Variants in RTF1 observed in about 807,000 individuals in gnomAD.
RTF1 encodes RTF1 homolog, Paf1/RNA polymerase II complex component, also known as RNA polymerase-associated protein RTF1 homolog.
Under a neutral mutation model 95.7 loss-of-function variants are expected in RTF1, and 10 were observed. The ratio of observed to expected loss-of-function variants is 0.10; its 90% CI spans 0.06 to 0.18. The LOEUF (loss-of-function observed/expected upper bound fraction) is 0.18, where lower values mean the gene tolerates loss of function less well. RTF1 is among the 10% of genes least tolerant of loss of function. RTF1 has a pLI of 1.00. For missense variants in RTF1, 458 were observed against 875.6 expected, an observed-to-expected ratio of 0.52 and a Z score of 6.02; for synonymous variants, 305 against 311.8, an observed-to-expected ratio of 0.98 and a Z score of 0.23.
At chr15:41,465,317 A>C (rs962837181) in intron 5 of RTF1, among the ~76,000 whole-genome samples, 1 of 152,048 alleles carries the variant, frequency 6.6e-6, no homozygotes, top group African/African-American at 2.4e-5. Context: ...GGCATATGCT[A>C]CCGTGCCCGG....
chr15:41,433,902 A>C (rs373166193), intron 1 of RTF1, among the ~76,000 whole-genome samples: 1 of 145,584 alleles, frequency 6.9e-6, no homozygotes, highest in African/African-American at 2.6e-5. Context: ...CTGGAGTGCA[A>C]TGGTGCTATT....
chr15:41,473,812 G>A (rs1049682706), intron 8 of RTF1, among the ~76,000 whole-genome samples: 1 of 151,842 alleles, frequency 6.6e-6, no homozygotes, highest in Non-Finnish European at 1.5e-5. Context: ...TGGGAGGCAG[G>A]TGGATCACGA....
intron 1 of RTF1, among the ~76,000 whole-genome samples, chr15:41,423,504 G>A (rs1376078277): frequency 2.0e-5 from 3 of 151,988 alleles, no homozygotes; most frequent in African/African-American, 7.3e-5. Context: ...CGAGTAGCTG[G>A]GATGACAGGC....
intron 14 of RTF1, 138 bp from the exon 15 acceptor site, chr15:41,478,410 T>TAAAA: frequency 1.9e-6 from 1 of 535,604 alleles, no homozygotes. Flanking sequence ...CAAAAAAAAT[T>TAAAA]AAAAAAAAAA....
intron 2 of RTF1, among the ~76,000 whole-genome samples, chr15:41,447,486 A>G (rs993391149): frequency 3.3e-5 from 5 of 152,320 alleles, no homozygotes; most frequent in Admixed American, 1.3e-4. Flanking sequence ...TTCACTAGGT[A>G]ATTGTTGCCC....
intron 1 of RTF1, among the ~76,000 whole-genome samples, chr15:41,419,593 A>G (rs2050590160): frequency 6.6e-6 from 1 of 152,180 alleles, no homozygotes; most frequent in Non-Finnish European, 1.5e-5. Context: ...TTTAGAGGAA[A>G]TTGGTACATA....
intron 8 of RTF1, among the ~76,000 whole-genome samples, chr15:41,473,144 G>GT (rs1231344858): frequency 4.0e-5 from 6 of 151,112 alleles, no homozygotes; most frequent in Non-Finnish European, 8.9e-5. Flanking sequence ...GTTTTGTTTT[G>GT]TTTTTTTGAG....
At chr15:41,480,175 T>C (rs2050964483) in intron 16 of RTF1, 39 bp from the exon 17 acceptor site, 1 of 1,317,934 alleles carries the variant, frequency 7.6e-7, no homozygotes, top group Non-Finnish European at 1.1e-6. Flanking sequence ...TCCACTTGCA[T>C]TTATGCTCTT....
At position 41,480,826 on chromosome 15, in the gene RTF1, T is replaced by A. The variant is rs1263428731; in HGVS notation, c.*139T>A. 4.5e-6 allele frequency: 3 copies of A among 666,278 alleles called. No individual in the cohort carries two copies. Among genetic ancestry groups the A allele is most frequent in the African/African-American group, 1.8e-5 (1 of 55,564 alleles). The allele number at this position is 666,278 out of a possible 1,614,324, so 41.3% of individuals were successfully genotyped here. A position where few individuals can be genotyped will look rare whatever the true frequency, so the allele number is the denominator to read the frequency against. ...ACTCTAAACTGCCAGTCATCTGTAA[T>A]ATAAACCATTTGCTGTATAGACCTC... is the stretch of plus-strand genomic sequence containing the variant. On this transcript the variant is annotated 3_prime_UTR_variant, in exon 18 of 18. Coordinates refer to ENST00000389629, the MANE Select transcript of RTF1 (RefSeq NM_015138.5).
At chr15:41,429,999 A>ATTTTCTTTTTTTTTT (rs2050660480) in intron 1 of RTF1, among the ~76,000 whole-genome samples, 1 of 137,562 alleles carries the variant, frequency 7.3e-6, no homozygotes, top group Non-Finnish European at 1.6e-5. Flanking sequence ...AATTTATTTT[A>ATTTTCTTTTTTTTTT]TTTTTTCTTT....
intron 1 of RTF1, among the ~76,000 whole-genome samples, chr15:41,422,438 T>C (rs566705698): frequency 6.6e-6 from 1 of 152,346 alleles, no homozygotes; most frequent in African/African-American, 2.4e-5. Flanking sequence ...TTGGTGCCTA[T>C]TGGGAAATAA....
intron 6 of RTF1, 29 bp from the exon 7 acceptor site, chr15:41,470,228 C>A: frequency 6.3e-7 from 1 of 1,598,566 alleles, no homozygotes; most frequent in Non-Finnish European, 8.5e-7. Flanking sequence ...TTGAGAAAAC[C>A]TAGGTAAACA....
rs758511272 is a variant in RTF1 at position 41,477,442 on chromosome 15, C to T, written c.1683-16C>T. On this transcript the variant is annotated splice_polypyrimidine_tract_variant and intron_variant, in intron 13 of 17. Transcript: ENST00000389629. ...CCTTGTTTCACAGCCACTGACTCAT[C>T]CCTCTTACCCCACAGTTACATCAAC... is the stretch of plus-strand genomic sequence containing the variant. 18 of 1,614,128 alleles carry T rather than the reference C, an allele frequency of 1.1e-5. No homozygotes were observed. In the South Asian group the frequency reaches 1.9e-4, roughly 17 times the overall value.
chr15:41,467,942 A>G (rs2050888723), intron 6 of RTF1, among the ~76,000 whole-genome samples: 1 of 152,070 alleles, frequency 6.6e-6, no homozygotes, highest in Non-Finnish European at 1.5e-5. Context: ...GAGCAGGCAG[A>G]TCACGTGAGG....
rs557955373 is a variant in RTF1 at position 41,468,364 on chromosome 15, T to C, written c.890-1893T>C. Among the ~76,000 whole-genome samples, 818 of 151,834 alleles carry C rather than the reference T, an allele frequency of 5.4e-3. 4 individuals are homozygous for C. Among genetic ancestry groups the C allele is most frequent in the Non-Finnish European group, 8.5e-3 (578 of 67,942 alleles). On this transcript the variant is annotated intron_variant, in intron 6 of 17. Coordinates refer to ENST00000389629, the MANE Select transcript of RTF1 (RefSeq NM_015138.5). ...ACGGAGTCTCGCTCTGTCGCCCAGG[T>C]TGGAGTGCAGTGGCGCGATCTCGGC...
chr15:41,432,081 G>A (rs914228024), intron 1 of RTF1, among the ~76,000 whole-genome samples: 1 of 152,014 alleles, frequency 6.6e-6, no homozygotes, highest in Non-Finnish European at 1.5e-5. Flanking sequence ...TTACAGGCAT[G>A]AGCCACTGTG....
At chr15:41,476,379 C>T in intron 11 of RTF1, 67 bp from the exon 12 acceptor site, 1 of 1,339,892 alleles carries the variant, frequency 7.5e-7, no homozygotes, top group South Asian at 1.2e-5. Flanking sequence ...CCAAAATGGG[C>T]TCACTTAGCC....
intron 12 of RTF1, 75 bp downstream of exon 12, chr15:41,476,598 A>T: frequency 7.4e-7 from 1 of 1,348,484 alleles, no homozygotes. Flanking sequence ...ATCCTCTGCC[A>T]AGTTAGTGGT....
chr15:41,462,738 A>G (rs1047826563), intron 4 of RTF1, among the ~76,000 whole-genome samples: 2 of 151,978 alleles, frequency 1.3e-5, no homozygotes, highest in East Asian at 1.9e-4. Flanking sequence ...AGATTTGCCT[A>G]TTCTGGATAT....
Sources: allele counts gnomAD v4.1 joint callset (sites outside exome capture counted in the v4.1 genomes callset), GRCh38; gene constraint gnomAD v4.1.1; transcripts MANE v1.5; gene names NCBI Gene and HGNC (gene_info 2026-07-23, HGNC 2026-07-21).